Variants in UTP25 observed in about 807,000 individuals in gnomAD.
UTP25 encodes UTP25 small subunit processome component.
UTP25 carries 50 observed loss-of-function variants against 78.9 expected under a neutral mutation model. The observed-to-expected ratio is 0.63, with a 90% CI of 0.50 to 0.80. The LOEUF (loss-of-function observed/expected upper bound fraction) is 0.80, where lower values mean the gene tolerates loss of function less well. Among genes scored for constraint, UTP25 ranks in the 30% least tolerant of loss-of-function variants. The pLI is 0.00. For synonymous variants in UTP25, 329 were observed against 336.5 expected, an observed-to-expected ratio of 0.98 and a Z score of 0.24; for missense variants, 846 against 911.3, an observed-to-expected ratio of 0.93 and a Z score of 0.92.
rs1558055149 is a variant in UTP25 at position 209,842,459 on chromosome 1, T to C, written c.1668+12T>C. 6.2e-7 allele frequency: 1 copy of C among 1,614,096 alleles called. No homozygotes were observed. On this transcript the variant is annotated intron_variant, in intron 9 of 11. Coordinates refer to ENST00000491415, the MANE Select transcript of UTP25 (RefSeq NM_014388.7). ...ACATGCAAGGCCAGGTGGGTTCTCG[T>C]CTTGTTTCCTCAGTATCTTCATGAG...
chr1:209,830,755 A>C, intron 2 of UTP25, 48 bp from the exon 3 acceptor site: 1 of 1,587,320 alleles, frequency 6.3e-7, no homozygotes, highest in Non-Finnish European at 8.6e-7. Context: ...TAGGGTAACA[A>C]TAAGAACAAT....
At position 209,853,607 on chromosome 1, in the gene UTP25, C is replaced by T. The variant is rs2078254030; in HGVS notation, c.*2160C>T. ...TCTTGACCTCAAGTGATCTGCCCAC[C>T]TCAGCCTCCCAAAGTGCTGGGGTTA... On this transcript the variant is annotated 3_prime_UTR_variant, in exon 12 of 12. Transcript: ENST00000491415. The T allele has an allele frequency of 1.3e-5, 2 of 152,264 alleles. No individual in the cohort carries two copies. Among genetic ancestry groups the T allele is most frequent in the African/African-American group, 2.4e-5 (1 of 41,454 alleles). 9.4% of individuals were successfully genotyped at this position (152,264 alleles called of 1,614,324 possible).
chr1:209,835,517 G>C (rs1352286578), intron 5 of UTP25, among the ~76,000 whole-genome samples: 1 of 152,146 alleles, frequency 6.6e-6, no homozygotes, highest in Non-Finnish European at 1.5e-5. Flanking sequence ...TCTCAAAATA[G>C]AATAGTTTAC....
At chr1:209,837,996 CG>C (rs2078143872) in intron 6 of UTP25, among the ~76,000 whole-genome samples, 1 of 152,110 alleles carries the variant, frequency 6.6e-6, no homozygotes, top group Admixed American at 6.5e-5. Context: ...TGTGTAATAG[CG>C]GGGGAAACCA....
chr1:209,856,609 ATTTG>A lies in UTP25; in HGVS notation c.*5166_*5169del, dbSNP rs1210705924. The A allele has an allele frequency of 2.6e-5, 4 of 152,188 alleles. No individual in the cohort carries two copies. The highest frequency in any genetic ancestry group is 2.6e-4 in the Admixed American group (4 of 15,278). The allele number at this position is 152,188 out of a possible 1,614,324, so 9.4% of individuals were successfully genotyped here. A position where few individuals can be genotyped will look rare whatever the true frequency, so the allele number is the denominator to read the frequency against. ...TGTTACGTGAACACACAAACACCTAATTTGTTTAAGCCATTAGGCCAGGCCTCTA... is the reference window on the plus strand; with the variant it reads ...TGTTACGTGAACACACAAACACCTAATTTAAGCCATTAGGCCAGGCCTCTA... On this transcript the variant is annotated 3_prime_UTR_variant, in exon 12 of 12. Coordinates refer to ENST00000491415, the MANE Select transcript of UTP25 (RefSeq NM_014388.7).
At chr1:209,839,848 T>C (rs2078156312) in intron 7 of UTP25, among the ~76,000 whole-genome samples, 1 of 152,214 alleles carries the variant, frequency 6.6e-6, no homozygotes, top group African/African-American at 2.4e-5. Context: ...AGGATATGTG[T>C]GCAACGGTTG....
intron 7 of UTP25, 141 bp downstream of exon 7, chr1:209,839,269 T>G: frequency 1.2e-6 from 1 of 834,370 alleles, no homozygotes. Flanking sequence ...AGACATGTTG[T>G]TTGCCATGGG....
chr1:209,851,582 G>A lies in UTP25; in HGVS notation c.*135G>A. The stretch of plus-strand genomic sequence containing the variant: ...GCATGAGGCAATGTCAGTATTATCT[G>A]ACATCTTTCTTTTCAGGTCATGTGT... On this transcript the variant is annotated 3_prime_UTR_variant, in exon 12 of 12. Coordinates refer to ENST00000491415, the MANE Select transcript of UTP25 (RefSeq NM_014388.7). The A allele has an allele frequency of 8.5e-7, 1 of 1,172,050 alleles. No homozygotes were observed. 72.6% of individuals were successfully genotyped at this position (1,172,050 alleles called of 1,614,324 possible).
rs1242207348 is a variant in UTP25, at chr1:209,855,584, T to A, written c.*4137T>A. On this transcript the variant is annotated 3_prime_UTR_variant, in exon 12 of 12. Transcript: ENST00000491415. The stretch of plus-strand genomic sequence containing the variant: ...ATCTTTCTCCTGCTGGGCAGCTCAG[T>A]ACAGATGTCCCCTCACTGCTGGAAG... The A allele has an allele frequency of 6.6e-6, 1 of 152,372 alleles. No individual in the cohort carries two copies. Among genetic ancestry groups the A allele is most frequent in the Non-Finnish European group, 1.5e-5 (1 of 68,154 alleles). The allele number at this position is 152,372 out of a possible 1,614,324, so 9.4% of individuals were successfully genotyped here. A position where few individuals can be genotyped will look rare whatever the true frequency, so the allele number is the denominator to read the frequency against.
intron 3 of UTP25, among the ~76,000 whole-genome samples, chr1:209,831,650 G>T (rs551039782): frequency 1.2e-4 from 18 of 152,224 alleles, no homozygotes; most frequent in African/African-American, 4.1e-4. Context: ...TTTGACAAAG[G>T]TATACATCCA....
In UTP25 at chr1:209,842,397, G is replaced by C; in HGVS notation, c.1618G>C (p.Ala540Pro). ...ACTGCTATTTGGGGCCCTTCAGGAT[G>C]CCCAGATCAACTCAGTGTTCAACAA... ...QTLLFGALQDAQINSVFNKYC... is the reference protein window; with the variant it reads ...QTLLFGALQDPQINSVFNKYC... Residue 540 changes from alanine to proline, a missense_variant, in exon 9 of 12, where the codon GCC becomes CCC. Transcript: ENST00000491415. The C allele has an allele frequency of 6.2e-7, 1 of 1,614,130 alleles. No individual in the cohort carries two copies. Among genetic ancestry groups the C allele is most frequent in the East Asian group, 2.2e-5 (1 of 44,886 alleles).
At position 209,843,542 on chromosome 1, in the gene UTP25, G is replaced by A. The variant is rs774606875; in HGVS notation, c.1873G>A (p.Val625Met). The A allele has an allele frequency of 9.3e-6, 15 of 1,613,930 alleles. No individual in the cohort carries two copies. The East Asian group carries it at 1.1e-4, about 12-fold the overall frequency. The change falls in exon 11 of 12, where the codon GTG (valine) becomes ATG (methionine). Residue 625 changes from valine to methionine, a missense_variant. Transcript: ENST00000491415. ...CTATATCCCCTCCTACTTTGACTTCGTGCGTCTTCGAAATTACTTCAAGAA... is the reference window on the plus strand; with the variant it reads ...CTATATCCCCTCCTACTTTGACTTCATGCGTCTTCGAAATTACTTCAAGAA... ...LIYIPSYFDFVRLRNYFKKEE... is the reference protein window; with the variant it reads ...LIYIPSYFDFMRLRNYFKKEE...
At chr1:209,832,205 ACC>A (rs2078107263) in intron 3 of UTP25, among the ~76,000 whole-genome samples, 1 of 151,966 alleles carries the variant, frequency 6.6e-6, no homozygotes, top group Non-Finnish European at 1.5e-5. Flanking sequence ...TAATATAGTT[ACC>A]CTCTATCCCT....
rs1227662525 is a variant in UTP25 at position 209,838,705 on chromosome 1, C to T, written c.1063-204C>T. 4.9e-6 allele frequency: 3 copies of T among 615,376 alleles called. No individual in the cohort carries two copies. In the East Asian group the frequency reaches 8.1e-5, roughly 17 times the overall value. 38.1% of individuals were successfully genotyped at this position (615,376 alleles called of 1,614,324 possible). On this transcript the variant is annotated intron_variant, in intron 6 of 11. Coordinates refer to ENST00000491415, the MANE Select transcript of UTP25 (RefSeq NM_014388.7). ...CGTGGACTGATGGGTCTGAAGTCCG[C>T]AGGTCATGGTGCTGGGGTTATGAAA...
Position 209,836,045 on chromosome 1 carries a change from C to T in UTP25, c.652-756C>T, listed in dbSNP as rs115912279. The stretch of plus-strand genomic sequence containing the variant: ...CATATCTGCCTCCCTCTGCACCCTG[C>T]CCCACCCCCATTTCTAACCCCTGGT... On this transcript the variant is annotated intron_variant, in intron 5 of 11. Coordinates refer to ENST00000491415, the MANE Select transcript of UTP25 (RefSeq NM_014388.7). 8.4e-3 allele frequency among the ~76,000 whole-genome samples: 1,276 copies of T among 152,210 alleles called. 19 individuals carry two copies. Among genetic ancestry groups the T allele is most frequent in the African/African-American group, 0.029 (1,217 of 41,524 alleles).
chr1:209,834,379 G>A (rs1457911160), intron 4 of UTP25, among the ~76,000 whole-genome samples: 1 of 152,168 alleles, frequency 6.6e-6, no homozygotes, highest in Non-Finnish European at 1.5e-5. Context: ...GGCTAGCTCA[G>A]AATACTAAAG....
In UTP25 at chr1:209,842,304, C is replaced by T. The variant is rs774982074; in HGVS notation, c.1525C>T (p.His509Tyr). 4 of 1,613,904 alleles carry T rather than the reference C, an allele frequency of 2.5e-6. No individual in the cohort carries two copies. In the African/African-American group the frequency reaches 5.3e-5, roughly 22 times the overall value. ...CATGAACCTACTACCCCTGGACTCA[C>T]ATGGGGTAGACTTTTCTCGAGTGCG... Reference protein sequence around the residue: ...NHMNLLPLDSHGVDFSRVRMW... With the variant: ...NHMNLLPLDSYGVDFSRVRMW... The change falls in exon 9 of 12, where the codon CAT (histidine) becomes TAT (tyrosine). Residue 509 changes from histidine to tyrosine, a missense_variant. His to Tyr is a moderately conservative substitution (Grantham distance 83). Coordinates refer to ENST00000491415, the MANE Select transcript of UTP25 (RefSeq NM_014388.7).
At chr1:209,851,129 C>T (rs2078235115) in intron 11 of UTP25, 75 bp from the exon 12 acceptor site, 1 of 1,521,826 alleles carries the variant, frequency 6.6e-7, no homozygotes, top group Non-Finnish European at 8.9e-7. Flanking sequence ...AACTATGCCT[C>T]TGTACAACTC....
intron 5 of UTP25, among the ~76,000 whole-genome samples, 193 bp downstream of exon 5, chr1:209,835,356 G>A (rs1373015554): frequency 6.6e-6 from 1 of 152,182 alleles, no homozygotes; most frequent in Non-Finnish European, 1.5e-5. Context: ...CCAGGAAGCT[G>A]GAGTGTGGGT....
Sources: allele counts gnomAD v4.1 joint callset (sites outside exome capture counted in the v4.1 genomes callset), GRCh38; gene constraint gnomAD v4.1.1; transcripts MANE v1.5; gene names NCBI Gene and HGNC (gene_info 2026-07-23, HGNC 2026-07-21).